The following AMZ1 variants were observed in gnomAD, a reference collection of about 807,000 sequenced individuals.
AMZ1 encodes the protein archaemetzincin-1.
A neutral mutation model predicts 29.9 loss-of-function variants in AMZ1; 39 were observed. The ratio of observed to expected loss-of-function variants is 1.30; its 90% CI spans 1.01 to 1.70. The LOEUF (loss-of-function observed/expected upper bound fraction) is 1.70. Ranked by LOEUF, AMZ1 falls within the 40% of genes most tolerant of loss-of-function variation. The pLI is 0.00. For synonymous variants in AMZ1, 458 were observed against 304.0 expected (o/e 1.51, Z -5.27); for missense variants, 1,041 against 680.6 (o/e 1.53, Z -5.89).
chr7:2,742,764 T>G (rs1349204440), intron 4 of AMZ1, among the ~76,000 whole-genome samples: 1 of 152,248 alleles, frequency 6.6e-6, no homozygotes, highest in Non-Finnish European at 1.5e-5. Context: ...CTTAGATTTA[T>G]TCTCAGGTAT....
chr7:2,743,463 A>G (rs537811250), intron 4 of AMZ1, among the ~76,000 whole-genome samples: 5 of 152,346 alleles, frequency 3.3e-5, no homozygotes, highest in Non-Finnish European at 7.3e-5. Context: ...ATGGCTTGAC[A>G]CAGACTTTAA....
chr7:2,751,933 A>C (rs13238327), intron 4 of AMZ1, among the ~76,000 whole-genome samples: 1,587 of 152,332 alleles, frequency 0.01, 15 homozygotes, highest in Non-Finnish European at 0.018. Flanking sequence ...GTAAAGAAGA[A>C]ATAACACTAA....
chr7:2,719,016 T>G lies in AMZ1; in HGVS notation c.*6138T>G, dbSNP rs1414610446. 1.0e-5 allele frequency among the ~76,000 whole-genome samples: 1 copy of G among 99,232 alleles called. No homozygotes were observed. Among genetic ancestry groups the G allele is most frequent in the African/African-American group, 4.3e-5 (1 of 23,252 alleles). The allele number at this position is 99,232 out of a possible 152,430, so 65.1% of individuals were successfully genotyped here. ...GCTGCAAGAACAGGCGACTTTTTTTTTTTTTTTTCCCCCCCATCTGAAGTG... is the reference window on the plus strand; with the variant it reads ...GCTGCAAGAACAGGCGACTTTTTTTGTTTTTTTTCCCCCCCATCTGAAGTG... On this transcript the variant is annotated 3_prime_UTR_variant, in exon 7 of 7. Coordinates refer to ENST00000683327, the MANE Select transcript of AMZ1 (RefSeq NM_001384743.1).
intron 4 of AMZ1, among the ~76,000 whole-genome samples, chr7:2,733,075 C>T (rs945542319): frequency 3.3e-5 from 5 of 152,126 alleles, no homozygotes; most frequent in Admixed American, 6.6e-5. Context: ...GCATTTGCTC[C>T]CGGAGGCCGG....
intron 6 of AMZ1, 92 bp from the exon 7 acceptor site, chr7:2,712,238 G>A (rs1393035844): frequency 2.2e-6 from 3 of 1,363,802 alleles, no homozygotes; most frequent in Non-Finnish European, 2.9e-6. Context: ...TGAGGACGGT[G>A]GGGTCCCCTT....
In AMZ1 at chr7:2,731,294, G is replaced by T; in HGVS notation, n.550+21478G>T. On this transcript the variant is annotated intron_variant and non_coding_transcript_variant, in intron 4 of 4. Transcript: ENST00000489665. The surrounding 1 kb of genome is among the most constrained non-coding windows in gnomAD (Gnocchi z 6.0). Reference sequence around the variant, plus strand: ...GCGGTGGTGAAGTGGTGGAAGAGTGGCTTGCTGCGGTTCCGTCTCTTCCTG... The same window carrying T: ...GCGGTGGTGAAGTGGTGGAAGAGTGTCTTGCTGCGGTTCCGTCTCTTCCTG... 6.2e-7 allele frequency: 1 copy of T among 1,612,752 alleles called. No homozygotes were observed. The highest frequency in any genetic ancestry group is 8.5e-7 in the Non-Finnish European group (1 of 1,179,492).
chr7:2,734,957 C>A (rs1314545738), intron 4 of AMZ1, among the ~76,000 whole-genome samples: 1 of 152,200 alleles, frequency 6.6e-6, no homozygotes, highest in African/African-American at 2.4e-5. Context: ...TGCTCTCTCC[C>A]TTCCTCGCCA....
At position 2,715,998 on chromosome 7, in the gene AMZ1, G is replaced by C. The variant is rs1451481495; in HGVS notation, c.*3120G>C. On this transcript the variant is annotated 3_prime_UTR_variant, in exon 7 of 7. Coordinates refer to ENST00000683327, the MANE Select transcript of AMZ1 (RefSeq NM_001384743.1). ...GAAGCCCCTGCATTCACAAGGATGG[G>C]TCTTCCAGCTTGACGATGACCTCTC... is the stretch of plus-strand genomic sequence containing the variant. The C allele has an allele frequency of 6.6e-6, 1 of 152,202 alleles. No individual in the cohort carries two copies. Among genetic ancestry groups the C allele is most frequent in the Non-Finnish European group, 1.5e-5 (1 of 68,042 alleles). The allele number at this position is 152,202 out of a possible 1,614,324, so 9.4% of individuals were successfully genotyped here. A position where few individuals can be genotyped will look rare whatever the true frequency, so the allele number is the denominator to read the frequency against.
Position 2,701,284 on chromosome 7 carries a change from C to T in AMZ1, c.304+529C>T, listed in dbSNP as rs923153988. On this transcript the variant is annotated intron_variant, in intron 2 of 6. Transcript: ENST00000683327. Reference sequence around the variant, plus strand: ...TGCTGAAATGAGGATCAGCCCATTTCGCCGGCAAGGAGATGGAAGCAGGGA... The same window carrying T: ...TGCTGAAATGAGGATCAGCCCATTTTGCCGGCAAGGAGATGGAAGCAGGGA... 5.3e-5 allele frequency among the ~76,000 whole-genome samples: 8 copies of T among 151,046 alleles called. No homozygotes were observed. The South Asian group carries it at 6.2e-4, about 12-fold the overall frequency.
At chr7:2,756,366 T>C (rs777991084) in intron 4 of AMZ1, among the ~76,000 whole-genome samples, 3 of 152,122 alleles carry the variant, frequency 2.0e-5, no homozygotes, top group Non-Finnish European at 4.4e-5. Flanking sequence ...GAAAAAAACA[T>C]AGGATGTCAG....
upstream of AMZ1, chr7:2,762,906 G>A: frequency 2.1e-6 from 3 of 1,421,204 alleles, no homozygotes; most frequent in Non-Finnish European, 2.8e-6. Context: ...GCGGCGGGGA[G>A]AAGAGGCCAC....
chr7:2,721,583 T>G (rs1789423432), downstream of AMZ1, among the ~76,000 whole-genome samples: 1 of 151,896 alleles, frequency 6.6e-6, no homozygotes, highest in Non-Finnish European at 1.5e-5. Flanking sequence ...AGGTGTGGTG[T>G]CAGATGCCTG....
chr7:2,756,321 A>G (rs1791292327), intron 4 of AMZ1, among the ~76,000 whole-genome samples: 1 of 152,246 alleles, frequency 6.6e-6, no homozygotes, highest in Non-Finnish European at 1.5e-5. Flanking sequence ...TGTCCTATAT[A>G]AATCTAATTC....
intron 1 of AMZ1, among the ~76,000 whole-genome samples, chr7:2,691,578 T>C (rs779298648): frequency 1.4e-5 from 2 of 147,678 alleles, no homozygotes; most frequent in African/African-American, 2.7e-5. Flanking sequence ...TCGTTTCTAC[T>C]AAAAATACAA....
At chr7:2,692,721 G>C (rs534231107) in intron 1 of AMZ1, among the ~76,000 whole-genome samples, 3 of 152,230 alleles carry the variant, frequency 2.0e-5, no homozygotes, top group Admixed American at 6.5e-5. Flanking sequence ...ACCTGGCATG[G>C]CTAGGGCAGG....
intron 6 of AMZ1, among the ~76,000 whole-genome samples, chr7:2,711,784 C>T (rs1404794978): frequency 1.3e-5 from 2 of 151,856 alleles, no homozygotes; most frequent in Non-Finnish European, 2.9e-5. Context: ...TGGCTCACAC[C>T]TGTAATCCCA....
At position 2,732,879 on chromosome 7, in the gene AMZ1, T is replaced by C. The variant is rs79540796; in HGVS notation, n.550+23063T>C. Among the ~76,000 whole-genome samples the C allele has an allele frequency of 8.8e-3, 1,344 of 152,310 alleles. 17 individuals carry two copies. Among genetic ancestry groups the C allele is most frequent in the African/African-American group, 0.03 (1,262 of 41,572 alleles). ...AATGGCAATGCATGACCTTATTAGGTTGTTGATTCAAACTCTGCTAAAACA... is the reference window on the plus strand; with the variant it reads ...AATGGCAATGCATGACCTTATTAGGCTGTTGATTCAAACTCTGCTAAAACA... On this transcript the variant is annotated intron_variant and non_coding_transcript_variant, in intron 4 of 4. Transcript: ENST00000489665.
intron 1 of AMZ1, among the ~76,000 whole-genome samples, chr7:2,692,953 C>T (rs924773489): frequency 6.6e-6 from 1 of 152,224 alleles, no homozygotes; most frequent in Non-Finnish European, 1.5e-5. Flanking sequence ...TGTACACCCA[C>T]CTCTGTCTGG....
chr7:2,749,211 CGT>C (rs1443050838), intron 4 of AMZ1, among the ~76,000 whole-genome samples: 35 of 152,256 alleles, frequency 2.3e-4, no homozygotes, highest in Non-Finnish European at 1.6e-4. Flanking sequence ...CACATGCACA[CGT>C]GTGTTTATTG....
Sources: gnomAD v4.1 joint callset for allele counts (sites outside exome capture counted in the v4.1 genomes callset) on GRCh38, gnomAD v4.1.1 for gene constraint, Gnocchi (gnomAD v3.1) non-coding constraint, MANE v1.5 for transcripts, NCBI Gene and HGNC (gene_info 2026-07-23, HGNC 2026-07-21) for gene names.